The following MAP3K9 variants were observed in gnomAD, a reference collection of about 807,000 sequenced individuals.
The protein encoded by MAP3K9 is mixed lineage kinase 1 (tyr and ser/thr specificity).
Under a neutral mutation model 95.8 loss-of-function variants are expected in MAP3K9, and 46 were observed. The observed-to-expected ratio is 0.48, with a 90% CI of 0.38 to 0.61. MAP3K9 has a LOEUF of 0.61. Ranked by LOEUF, MAP3K9 falls within the 20% of genes least tolerant of loss-of-function variation. The pLI is 0.00. For missense variants in MAP3K9, 1,296 were observed against 1,474.3 expected (o/e 0.88, Z 1.98); for synonymous variants, 533 against 593.8 (o/e 0.90, Z 1.49).
chr14:70,797,442 A>AAT (rs2054876912), intron 2 of MAP3K9, among the ~76,000 whole-genome samples: 5 of 151,650 alleles, frequency 3.3e-5, no homozygotes, highest in African/African-American at 1.2e-4. Context: ...TAATAATAAA[A>AAT]TTTTTTAAAA....
rs2053890979 is a variant in MAP3K9 at position 70,730,835 on chromosome 14, C to T, written c.2860G>A (p.Asp954Asn). Reference sequence around the variant, plus strand: ...GGGAGACGGGGGAATTCACCTGGGTCTCGGCTGGGACTGGGGGTTTTCAAC... The same window carrying T: ...GGGAGACGGGGGAATTCACCTGGGTTTCGGCTGGGACTGGGGGTTTTCAAC... Reference protein sequence around the residue: ...GMLKTPSPSRDPGEFPRLPDP... With the variant: ...GMLKTPSPSRNPGEFPRLPDP... The change falls in exon 12 of 12, where the codon GAC becomes AAC. Residue 954 changes from aspartate (D) to asparagine (N), a missense_variant. Physicochemically the swap from Asp to Asn is conservative, Grantham distance 23. Transcript: ENST00000554752. 1 of 1,609,224 alleles carries T rather than the reference C, an allele frequency of 6.2e-7. No individual in the cohort carries two copies. The highest frequency in any genetic ancestry group is 8.5e-7 in the Non-Finnish European group (1 of 1,179,242).
chr14:70,779,186 G>A (rs947010204), intron 2 of MAP3K9, among the ~76,000 whole-genome samples: 11 of 152,238 alleles, frequency 7.2e-5, no homozygotes, highest in African/African-American at 2.4e-4. Flanking sequence ...GCTGGGGCAG[G>A]ACTGGAAGAC....
At chr14:70,794,838 C>G (rs977450940) in intron 2 of MAP3K9, among the ~76,000 whole-genome samples, 2 of 151,806 alleles carry the variant, frequency 1.3e-5, no homozygotes, top group East Asian at 3.9e-4. Flanking sequence ...CCACCATGCC[C>G]GGCTAGCTTT....
chr14:70,806,146 CG>C (rs1007880423), intron 1 of MAP3K9, among the ~76,000 whole-genome samples: 4 of 152,176 alleles, frequency 2.6e-5, no homozygotes, highest in Admixed American at 6.5e-5. Flanking sequence ...TCCAAGTCTT[CG>C]GAGACAAGGT....
At chr14:70,748,700 G>T in intron 5 of MAP3K9, 129 bp downstream of exon 5, 1 of 664,698 alleles carries the variant, frequency 1.5e-6, no homozygotes, top group Non-Finnish European at 2.5e-6. Flanking sequence ...AAGCTGGAAG[G>T]TGGGCATGCT....
chr14:70,809,080 T>G lies in MAP3K9; in HGVS notation c.92A>C (p.Glu31Ala). ...GEDGAGAGAE[E>A]EEEEEEEAAA... ...CGCCTCCTCCTCCTCCTCCTCCTCC[T>G]CCTCGGCCCCGGCCCCTGCTCCATC... is the stretch of plus-strand genomic sequence containing the variant. Residue 31 changes from glutamate to alanine, a missense_variant, in exon 1 of 12, where the codon GAG (glutamate) becomes GCG (alanine). Glu to Ala is a moderately radical substitution (Grantham distance 107, BLOSUM62 -1). Transcript: ENST00000554752. 1 of 1,429,014 alleles carries G rather than the reference T, an allele frequency of 7.0e-7. No individual in the cohort carries two copies. Among genetic ancestry groups the G allele is most frequent in the Non-Finnish European group, 9.1e-7 (1 of 1,098,486 alleles). 88.5% of individuals were successfully genotyped at this position (1,429,014 alleles called of 1,614,324 possible).
chr14:70,749,763 G>A, intron 4 of MAP3K9, 170 bp downstream of exon 4: 1 of 685,854 alleles, frequency 1.5e-6, no homozygotes, highest in Non-Finnish European at 2.4e-6. Context: ...GCAGCAGGGT[G>A]TGGATGTCAT....
intron 3 of MAP3K9, among the ~76,000 whole-genome samples, chr14:70,750,520 GGTT>G (rs762769094): frequency 5.9e-5 from 9 of 151,948 alleles, no homozygotes; most frequent in Non-Finnish European, 8.8e-5. Context: ...AGTTTCGCTC[GGTT>G]GCTCAGGCTG....
chr14:70,802,956 G>C (rs1382069019), intron 1 of MAP3K9, among the ~76,000 whole-genome samples: 1 of 152,070 alleles, frequency 6.6e-6, no homozygotes, highest in East Asian at 1.9e-4. Context: ...GGCCTGGTGG[G>C]AGGTGTTTGG....
In MAP3K9 at chr14:70,734,521, A is replaced by G. The variant is rs746443293; in HGVS notation, c.1914-23T>C. ...AGGCTGAATCAGAGGAAAAGAGGAA[A>G]CTGTCAGAACTGGTTACCTTTCTTA... On this transcript the variant is annotated intron_variant, in intron 9 of 11. Transcript: ENST00000554752. 1.1e-5 allele frequency: 15 copies of G among 1,348,642 alleles called. No individual in the cohort carries two copies. In the Admixed American group the frequency reaches 2.7e-4, roughly 24 times the overall value. The allele number at this position is 1,348,642 out of a possible 1,614,324, so 83.5% of individuals were successfully genotyped here. A position where few individuals can be genotyped will look rare whatever the true frequency, so the allele number is the denominator to read the frequency against.
At chr14:70,783,095 A>G (rs2054702722) in intron 2 of MAP3K9, 1 of 181,518 alleles carries the variant, frequency 5.5e-6, no homozygotes, top group African/African-American at 2.4e-5. Context: ...CTGGAAGGTC[A>G]TTATCCCAGT....
intron 2 of MAP3K9, among the ~76,000 whole-genome samples, chr14:70,770,139 G>C (rs1236018244): frequency 6.6e-6 from 1 of 152,158 alleles, no homozygotes; most frequent in African/African-American, 2.4e-5. Flanking sequence ...CCTGGTGGTA[G>C]GGGTCAAGGT....
chr14:70,788,486 G>A (rs2054771715), intron 2 of MAP3K9, among the ~76,000 whole-genome samples: 1 of 152,194 alleles, frequency 6.6e-6, no homozygotes, highest in Admixed American at 6.5e-5. Flanking sequence ...CAAAAGCTAA[G>A]CCACAGAGGG....
rs60144338 is a variant in MAP3K9 at position 70,774,983 on chromosome 14, C to CAAAAAAAAAAAAAAA, written c.821-13816_821-13802dup. ...TGGAGACAGAGTGAGACTCTGTCCC[C>CAAAAAAAAAAAAAAA]AAAAAAAAAAAAAAAAAAAAAAAAA... On this transcript the variant is annotated intron_variant, in intron 2 of 11. Coordinates refer to ENST00000554752, the MANE Select transcript of MAP3K9 (RefSeq NM_001284230.2). Among the ~76,000 whole-genome samples the CAAAAAAAAAAAAAAA allele has an allele frequency of 8.3e-4, 46 of 55,116 alleles. 1 individual carries two copies. Among genetic ancestry groups the CAAAAAAAAAAAAAAA allele is most frequent in the African/African-American group, 1.3e-3 (17 of 12,830 alleles). 36.2% of individuals were successfully genotyped at this position (55,116 alleles called of 152,430 possible). A position where few individuals can be genotyped will look rare whatever the true frequency, so the allele number is the denominator to read the frequency against.
rs769927112 is a variant in MAP3K9 at position 70,730,700 on chromosome 14, C to T, written c.2995G>A (p.Ala999Thr). The T allele has an allele frequency of 6.2e-7, 1 of 1,613,794 alleles. No individual in the cohort carries two copies. Among genetic ancestry groups the T allele is most frequent in the Admixed American group, 1.7e-5 (1 of 60,012 alleles). Reference protein sequence around the residue: ...LEFLPRPRPSANRQRLDPWWF... With the variant: ...LEFLPRPRPSTNRQRLDPWWF... ...CAAGGGTCCAGCCGTTGCCGGTTGG[C>T]AGAAGGACGCGGCCGAGGCAGAAAC... Residue 999 changes from alanine to threonine, a missense_variant, in exon 12 of 12, where the codon GCC becomes ACC. By Grantham distance (58) the Ala-to-Thr change is moderately conservative. This residue lies in a region of MAP3K9 where 433 missense variants were observed against 441.4 expected (regional missense o/e 0.98). Coordinates refer to ENST00000554752, the MANE Select transcript of MAP3K9 (RefSeq NM_001284230.2).
intron 2 of MAP3K9, chr14:70,783,246 T>C: frequency 1.0e-6 from 1 of 967,056 alleles, no homozygotes. Context: ...AGGACAGTAC[T>C]GTGTCCAAAC....
intron 2 of MAP3K9, among the ~76,000 whole-genome samples, chr14:70,768,885 C>T (rs2139800348): frequency 6.6e-6 from 1 of 152,302 alleles, no homozygotes; most frequent in East Asian, 1.9e-4. Flanking sequence ...AGGCTCATGT[C>T]CTCAGGCCTG....
At chr14:70,764,469 G>T (rs12888427) in intron 2 of MAP3K9, among the ~76,000 whole-genome samples, 48,305 of 151,392 alleles carry the variant, frequency 0.32, 7,814 homozygotes, top group Admixed American at 0.35. Flanking sequence ...AATGTAGGCT[G>T]ATGTTTCTTC....
intron 2 of MAP3K9, among the ~76,000 whole-genome samples, chr14:70,796,426 G>GT: frequency 6.6e-6 from 1 of 152,264 alleles, no homozygotes. Context: ...GACATCTGAG[G>GT]TAACAGTTCA....
Sources: allele counts gnomAD v4.1 joint callset (sites outside exome capture counted in the v4.1 genomes callset), GRCh38; gene constraint gnomAD v4.1.1; regional missense constraint gnomAD v4.1.1; transcripts MANE v1.5; gene names NCBI Gene and HGNC (gene_info 2026-07-23, HGNC 2026-07-21).